STRADB: variants seen among roughly 807,000 people sequenced by gnomAD.
The protein encoded by STRADB is STE20 related adaptor beta, also known as STE20-related kinase adapter protein beta.
A neutral mutation model predicts 52.1 loss-of-function variants in STRADB; 34 were observed. The ratio of observed to expected loss-of-function variants is 0.65; its 90% CI spans 0.50 to 0.87. The LOEUF is 0.87. STRADB is among the 40% of genes least tolerant of loss of function. The pLI is 0.00. For missense variants in STRADB, 340 were observed against 483.9 expected (o/e 0.70, Z 2.79); for synonymous variants, 133 against 174.5 (o/e 0.76, Z 1.87).
chr2:201,452,324 C>T (rs1447068235), intron 1 of STRADB, among the ~76,000 whole-genome samples: 3 of 152,246 alleles, frequency 2.0e-5, no homozygotes, highest in Non-Finnish European at 4.4e-5. Context: ...CCCTCAGACC[C>T]CAGCTCTATC....
chr2:201,473,165 A>G (rs1952418152), intron 5 of STRADB, 89 bp downstream of exon 5: 47 of 1,151,366 alleles, frequency 4.1e-5, no homozygotes, highest in Non-Finnish European at 5.1e-5. Flanking sequence ...AATAGAAAAT[A>G]TATATTTTAA....
At position 201,473,074 on chromosome 2, in the gene STRADB, C is replaced by G; in HGVS notation, c.313C>G (p.Gln105Glu). 6.2e-7 allele frequency: 1 copy of G among 1,611,504 alleles called. No individual in the cohort carries two copies. Among genetic ancestry groups the G allele is most frequent in the Non-Finnish European group, 8.5e-7 (1 of 1,179,290 alleles). ...NCNEERLKAL[Q>E]KAVILSHFFR... ...CAATGAAGAACGCCTGAAAGCTTTA[C>G]AGGTAACAATATGAAGAAAATGATA... Residue 105 changes from glutamine (Q) to glutamate (E), a missense_variant and splice_region_variant, in exon 5 of 12, where the codon CAG (glutamine) becomes GAG (glutamate). Physicochemically the swap from Gln to Glu is conservative, Grantham distance 29 (BLOSUM62 2). Transcript: ENST00000194530.
intron 3 of STRADB, among the ~76,000 whole-genome samples, chr2:201,466,171 A>C (rs750443888): frequency 2.6e-5 from 4 of 152,100 alleles, no homozygotes; most frequent in Admixed American, 1.3e-4. Context: ...TCCCAGTCTG[A>C]GTTTTAATTT....
chr2:201,474,425 G>C (rs1042802136), intron 5 of STRADB, among the ~76,000 whole-genome samples: 3 of 152,072 alleles, frequency 2.0e-5, no homozygotes, highest in African/African-American at 7.2e-5. Flanking sequence ...CATGCTTTTG[G>C]ACAGGTTTTC....
At chr2:201,460,350 T>G (rs914341095) in intron 3 of STRADB, among the ~76,000 whole-genome samples, 1 of 152,076 alleles carries the variant, frequency 6.6e-6, no homozygotes, top group African/African-American at 2.4e-5. Context: ...ATGGTTTATC[T>G]ATCACTTTAA....
chr2:201,461,441 G>C (rs544377595), intron 3 of STRADB, among the ~76,000 whole-genome samples: 1 of 152,182 alleles, frequency 6.6e-6, no homozygotes, highest in Non-Finnish European at 1.5e-5. Context: ...CCAGAGTATT[G>C]GGCTTACAGT....
Position 201,458,844 on chromosome 2 carries a change from A to G in STRADB, c.73A>G (p.Thr25Ala). 5 of 1,613,862 alleles carry G rather than the reference A, an allele frequency of 3.1e-6. No homozygotes were observed. Among genetic ancestry groups the G allele is most frequent in the Non-Finnish European group, 4.2e-6 (5 of 1,179,860 alleles). The change falls in exon 3 of 12, where the codon ACC (threonine) becomes GCC (alanine). Residue 25 changes from threonine to alanine, a missense_variant. Thr to Ala is a moderately conservative substitution (Grantham distance 58). Coordinates refer to ENST00000194530, the MANE Select transcript of STRADB (RefSeq NM_018571.6). The stretch of plus-strand genomic sequence containing the variant: ...ACTCAGACCTGAAAAACAGTCTGAA[A>G]CCAGTATCCATCAATACTTGGTAAG... Reference protein sequence around the residue: ...ESLRPEKQSETSIHQYLVDEP... With the variant: ...ESLRPEKQSEASIHQYLVDEP...
intron 4 of STRADB, among the ~76,000 whole-genome samples, chr2:201,470,813 A>T (rs1952377959): frequency 6.6e-6 from 1 of 152,244 alleles, no homozygotes; most frequent in African/African-American, 2.4e-5. Flanking sequence ...TTCTAGTCAT[A>T]GGTTTTGTTA....
chr2:201,474,869 A>G (rs1276327482), intron 6 of STRADB, 114 bp downstream of exon 6: 6 of 810,352 alleles, frequency 7.4e-6, no homozygotes, highest in Non-Finnish European at 7.6e-6. Flanking sequence ...CTAATGACTG[A>G]TTTTAGATTT....
At chr2:201,473,113 C>T (rs1192275701) in intron 5 of STRADB, 37 bp downstream of exon 5, 8 of 1,574,046 alleles carry the variant, frequency 5.1e-6, no homozygotes, top group Non-Finnish European at 6.9e-6. Flanking sequence ...AGTTGGGCCT[C>T]TGTATCCACT....
chr2:201,466,480 C>G (rs1217707669), intron 3 of STRADB, among the ~76,000 whole-genome samples: 1 of 152,208 alleles, frequency 6.6e-6, no homozygotes, highest in African/African-American at 2.4e-5. Flanking sequence ...TGCCTGATGA[C>G]TAGAAAAACT....
intron 1 of STRADB, among the ~76,000 whole-genome samples, chr2:201,453,475 T>C (rs1952082147): frequency 6.6e-6 from 1 of 152,120 alleles, no homozygotes; most frequent in Admixed American, 6.5e-5. Context: ...ACTTGTGTAA[T>C]GATTACTTGG....
At chr2:201,460,508 C>G (rs1952197022) in intron 3 of STRADB, among the ~76,000 whole-genome samples, 1 of 152,030 alleles carries the variant, frequency 6.6e-6, no homozygotes, top group African/African-American at 2.4e-5. Context: ...TTTTTGTACT[C>G]ATTAACCATC....
At position 201,477,611 on chromosome 2, in the gene STRADB, T is replaced by C. The variant is rs558681599; in HGVS notation, c.549-8T>C. The C allele has an allele frequency of 8.8e-6, 14 of 1,587,776 alleles. No homozygotes were observed. The Admixed American group carries it at 1.9e-4, about 21-fold the overall frequency. ...CCTGTTACTTAGCATTGTTTCTTTT[T>C]GTTCTAGGAGTATTAAAGCCAGCCA... On this transcript the variant is annotated splice_region_variant and splice_polypyrimidine_tract_variant and intron_variant, in intron 7 of 11. Transcript: ENST00000194530.
Position 201,473,055 on chromosome 2 carries a change from A to G in STRADB, c.294A>G (p.Glu98=). 3 of 1,613,038 alleles carry G rather than the reference A, an allele frequency of 1.9e-6. No homozygotes were observed. The highest frequency in any genetic ancestry group is 2.2e-5 in the South Asian group (2 of 90,756). ...IKITNLENCN[E]ERLKALQKAV... Reference sequence around the variant, plus strand: ...TTACAAATCTGGAAAACTGCAATGAAGAACGCCTGAAAGCTTTACAGGTAA... The same window carrying G: ...TTACAAATCTGGAAAACTGCAATGAGGAACGCCTGAAAGCTTTACAGGTAA... Residue 98 remains glutamate (E), a synonymous_variant, in exon 5 of 12, where the codon GAA becomes GAG. Transcript: ENST00000194530.
intron 10 of STRADB, among the ~76,000 whole-genome samples, chr2:201,478,839 C>G (rs564675640): frequency 6.6e-6 from 1 of 151,810 alleles, no homozygotes; most frequent in East Asian, 1.9e-4. Flanking sequence ...TTTGGGAGGC[C>G]GAGGCGGGTG....
At chr2:201,477,507 T>C in intron 7 of STRADB, 112 bp from the exon 8 acceptor site, 1 of 1,112,454 alleles carries the variant, frequency 9.0e-7, no homozygotes, top group South Asian at 1.6e-5. Context: ...ACTGCTGTTT[T>C]GTAAAGGGTA....
chr2:201,466,130 G>A (rs1331858280), intron 3 of STRADB, among the ~76,000 whole-genome samples: 1 of 152,124 alleles, frequency 6.6e-6, no homozygotes, highest in Non-Finnish European at 1.5e-5. Flanking sequence ...ATTGCTGGAG[G>A]GTTCCATTCA....
rs1952554362 is a variant in STRADB at position 201,480,525 on chromosome 2, A to T, written c.*350A>T. On this transcript the variant is annotated 3_prime_UTR_variant, in exon 12 of 12. Coordinates refer to ENST00000194530, the MANE Select transcript of STRADB (RefSeq NM_018571.6). ...CCTTGGGAATGGGCCCTCAGAGGACAGTGCTTCCAAGTACATCTTCTCCCA... is the reference window on the plus strand; with the variant it reads ...CCTTGGGAATGGGCCCTCAGAGGACTGTGCTTCCAAGTACATCTTCTCCCA... 1 of 1,022,186 alleles carries T rather than the reference A, an allele frequency of 9.8e-7. No homozygotes were observed. Among genetic ancestry groups the T allele is most frequent in the Non-Finnish European group, 1.2e-6 (1 of 852,392 alleles). 63.3% of individuals were successfully genotyped at this position (1,022,186 alleles called of 1,614,324 possible). A position where few individuals can be genotyped will look rare whatever the true frequency, so the allele number is the denominator to read the frequency against.
Sources: allele counts gnomAD v4.1 joint callset (sites outside exome capture counted in the v4.1 genomes callset), GRCh38; gene constraint gnomAD v4.1.1; transcripts MANE v1.5; gene names NCBI Gene and HGNC (gene_info 2026-07-23, HGNC 2026-07-21).